The following SKAP2 variants were observed in gnomAD, a reference collection of about 807,000 sequenced individuals.
SKAP2 encodes src kinase associated phosphoprotein 2.
Under a neutral mutation model 54.9 loss-of-function variants are expected in SKAP2, and 28 were observed. The observed-to-expected ratio is 0.51, with a 90% CI of 0.38 to 0.70. SKAP2 has a LOEUF of 0.70. Ranked by LOEUF, SKAP2 falls within the 30% of genes least tolerant of loss-of-function variation. The probability of loss-of-function intolerance (pLI) is 0.00; values close to 1 mark genes in which losing one functional copy is unlikely to be tolerated. For missense variants in SKAP2, 356 were observed against 424.1 expected (o/e 0.84, Z 1.41); for synonymous variants, 137 against 134.3 (o/e 1.02, Z -0.14).
chr7:26,732,885 CTA>C (rs1213427245), intron 6 of SKAP2, among the ~76,000 whole-genome samples: 1 of 152,176 alleles, frequency 6.6e-6, no homozygotes, highest in Non-Finnish European at 1.5e-5. Context: ...TTGTACCTGA[CTA>C]TTTCTGCATG....
chr7:26,746,668 C>A, intron 4 of SKAP2: 1 of 143,864 alleles, frequency 7.0e-6, no homozygotes, highest in African/African-American at 2.6e-5. Context: ...TCTCTGGACT[C>A]AATTTCTTCT....
At chr7:26,863,843 C>T (rs758134952) in intron 1 of SKAP2, among the ~76,000 whole-genome samples, 2 of 152,056 alleles carry the variant, frequency 1.3e-5, no homozygotes, top group Non-Finnish European at 2.9e-5. Flanking sequence ...TTAAGAAAAA[C>T]GGGAGTTTTA....
intron 4 of SKAP2, among the ~76,000 whole-genome samples, chr7:26,753,647 A>G (rs1482634059): frequency 3.3e-5 from 5 of 152,340 alleles, no homozygotes; most frequent in Non-Finnish European, 7.3e-5. Context: ...AGAGAGAAAG[A>G]GAGGCTGTCA....
intron 7 of SKAP2, among the ~76,000 whole-genome samples, chr7:26,726,258 A>G (rs1344849407): frequency 6.6e-6 from 1 of 152,146 alleles, no homozygotes; most frequent in Non-Finnish European, 1.5e-5. Context: ...AGAACTGATG[A>G]ACAAAATTTG....
At chr7:26,800,735 T>C (rs1042738548) in intron 4 of SKAP2, among the ~76,000 whole-genome samples, 35 of 152,186 alleles carry the variant, frequency 2.3e-4, no homozygotes, top group Middle Eastern at 3.4e-3. Flanking sequence ...TGCCAATAAA[T>C]TGGAAAATCT....
chr7:26,813,237 G>A (rs1489050869), intron 4 of SKAP2, among the ~76,000 whole-genome samples: 1 of 152,114 alleles, frequency 6.6e-6, no homozygotes, highest in Non-Finnish European at 1.5e-5. Context: ...CATTGAACCT[G>A]CTAGGCACAA....
intron 3 of SKAP2, among the ~76,000 whole-genome samples, chr7:26,847,500 T>TA (rs970776610): frequency 2.8e-4 from 41 of 144,982 alleles, no homozygotes; most frequent in East Asian, 7.9e-4. Context: ...TTCGATAAAT[T>TA]AAAAAAAAAA....
intron 4 of SKAP2, among the ~76,000 whole-genome samples, chr7:26,807,056 G>A (rs1784043510): frequency 6.6e-6 from 1 of 152,138 alleles, no homozygotes; most frequent in Non-Finnish European, 1.5e-5. Context: ...CTGAATTGTT[G>A]AAATCTCATG....
chr7:26,714,712 C>T (rs1327674610), intron 9 of SKAP2, among the ~76,000 whole-genome samples: 1 of 152,208 alleles, frequency 6.6e-6, no homozygotes, highest in Admixed American at 6.5e-5. Flanking sequence ...TCTCTTGCTG[C>T]AGTCTGTCTC....
At chr7:26,806,014 T>G (rs1456301755) in intron 4 of SKAP2, among the ~76,000 whole-genome samples, 1 of 152,188 alleles carries the variant, frequency 6.6e-6, no homozygotes, top group African/African-American at 2.4e-5. Flanking sequence ...TTATTATATC[T>G]GTTACGGTGA....
chr7:26,767,172 TG>T (rs768372411), intron 4 of SKAP2, among the ~76,000 whole-genome samples: 1 of 152,188 alleles, frequency 6.6e-6, no homozygotes, highest in Non-Finnish European at 1.5e-5. Flanking sequence ...TTCATGAATT[TG>T]ACTTCTTCCT....
intron 11 of SKAP2, among the ~76,000 whole-genome samples, chr7:26,683,900 C>G (rs1774538294): frequency 6.6e-6 from 1 of 152,160 alleles, no homozygotes; most frequent in Non-Finnish European, 1.5e-5. Context: ...TATGATTTAA[C>G]ATTTTTCTAC....
At chr7:26,726,800 T>C in intron 7 of SKAP2, 82 bp downstream of exon 7, 3 of 1,099,876 alleles carry the variant, frequency 2.7e-6, no homozygotes, top group Non-Finnish European at 3.8e-6. Flanking sequence ...TCAAGGAAAG[T>C]ATTAATCAAA....
chr7:26,835,578 C>G (rs1784689945), intron 4 of SKAP2, among the ~76,000 whole-genome samples: 1 of 152,162 alleles, frequency 6.6e-6, no homozygotes. Flanking sequence ...CATGAGTGAA[C>G]TCCCATTCAC....
chr7:26,811,776 T>C (rs1466806708), intron 4 of SKAP2, among the ~76,000 whole-genome samples: 3 of 152,202 alleles, frequency 2.0e-5, no homozygotes, highest in Admixed American at 6.5e-5. Flanking sequence ...TGCCATCTAA[T>C]GATACAGACT....
chr7:26,699,218 A>T (rs1374984217), intron 9 of SKAP2, among the ~76,000 whole-genome samples: 2 of 152,212 alleles, frequency 1.3e-5, no homozygotes, highest in African/African-American at 4.8e-5. Context: ...GAATACCTAC[A>T]ATTACCTGCA....
chr7:26,722,175 T>C (rs541793321), intron 9 of SKAP2, among the ~76,000 whole-genome samples: 26 of 152,336 alleles, frequency 1.7e-4, no homozygotes, highest in African/African-American at 5.5e-4. Flanking sequence ...CGCAACTCTT[T>C]TGTACATATG....
intron 4 of SKAP2, among the ~76,000 whole-genome samples, chr7:26,818,187 ATAC>A (rs1784312157): frequency 6.6e-6 from 1 of 152,190 alleles, no homozygotes; most frequent in South Asian, 2.1e-4. Flanking sequence ...ACTTCAAACT[ATAC>A]TACAAGGCTA....
intron 4 of SKAP2, among the ~76,000 whole-genome samples, chr7:26,770,061 T>A (rs901908796): frequency 1.3e-5 from 2 of 152,138 alleles, no homozygotes; most frequent in Non-Finnish European, 2.9e-5. Flanking sequence ...CAGCCACCCA[T>A]TCCCCCAGGT....
Sources: allele counts gnomAD v4.1 joint callset (sites outside exome capture counted in the v4.1 genomes callset), GRCh38; gene constraint gnomAD v4.1.1; transcripts MANE v1.5; gene names NCBI Gene and HGNC (gene_info 2026-07-23, HGNC 2026-07-21).